SDK1: variants seen among roughly 807,000 people sequenced by gnomAD.
The protein encoded by SDK1 is protein sidekick-1.
In SDK1, 157 loss-of-function variants were observed where a neutral mutation model predicts 245.5. The ratio of observed to expected loss-of-function variants is 0.64; its 90% CI spans 0.56 to 0.73. The LOEUF is 0.73. Among genes scored for constraint, SDK1 ranks in the 30% least tolerant of loss-of-function variants. SDK1 has a pLI of 0.00. For synonymous variants in SDK1, 1,647 were observed against 1,278.5 expected (o/e 1.29, Z -6.15); for missense variants, 3,583 against 3,002.3 (o/e 1.19, Z -4.52).
intron 4 of SDK1, among the ~76,000 whole-genome samples, chr7:3,681,949 C>T (rs1427926014): frequency 6.6e-6 from 1 of 152,102 alleles, no homozygotes; most frequent in Non-Finnish European, 1.5e-5. Context: ...AGCCCAGTAT[C>T]ACAAGAATGG....
At chr7:3,945,317 T>TTTAATAAAG (rs1435300553) in intron 5 of SDK1, among the ~76,000 whole-genome samples, 1 of 152,132 alleles carries the variant, frequency 6.6e-6, no homozygotes, top group African/African-American at 2.4e-5. Context: ...AAGTCGTCAG[T>TTTAATAAAG]TGACATCTCC....
At chr7:3,773,670 A>T (rs1402186459) in intron 4 of SDK1, among the ~76,000 whole-genome samples, 1 of 152,016 alleles carries the variant, frequency 6.6e-6, no homozygotes. Flanking sequence ...TGGAAATCAG[A>T]TTTCCCCCTT....
intron 1 of SDK1, among the ~76,000 whole-genome samples, chr7:3,615,276 A>C (rs956910315): frequency 6.6e-6 from 1 of 151,686 alleles, no homozygotes; most frequent in African/African-American, 2.4e-5. Context: ...AGCTACCTCC[A>C]TTGCAGTTCA....
At chr7:3,448,904 A>T (rs1316232837) in intron 1 of SDK1, among the ~76,000 whole-genome samples, 1 of 152,218 alleles carries the variant, frequency 6.6e-6, no homozygotes, top group Non-Finnish European at 1.5e-5. Context: ...GTTTCTGGCT[A>T]AAATTGCGAG....
In SDK1 at chr7:4,012,549, C is replaced by CTTTTTTTTTT. The variant is rs777199429; in HGVS notation, c.2420+348_2420+357dup. ...GCAAGGTATATTGTTCAATGTGAAG[C>CTTTTTTTTTT]TTTTTTTTTTTTTTTTTTTTTTTTT... is the stretch of plus-strand genomic sequence containing the variant. On this transcript the variant is annotated intron_variant, in intron 16 of 44. Coordinates refer to ENST00000404826, the MANE Select transcript of SDK1 (RefSeq NM_152744.4). Among the ~76,000 whole-genome samples, 41 of 25,986 alleles carry CTTTTTTTTTT rather than the reference C, an allele frequency of 1.6e-3. 11 individuals carry two copies. Among genetic ancestry groups the CTTTTTTTTTT allele is most frequent in the East Asian group, 2.4e-3 (2 of 832 alleles). 17.0% of individuals were successfully genotyped at this position (25,986 alleles called of 152,430 possible).
intron 12 of SDK1, among the ~76,000 whole-genome samples, chr7:3,972,981 T>C (rs777288705): frequency 1.3e-5 from 2 of 152,126 alleles, no homozygotes; most frequent in East Asian, 3.9e-4. Context: ...CTAAATGATT[T>C]GGAGTATGAC....
intron 4 of SDK1, among the ~76,000 whole-genome samples, chr7:3,818,473 A>G (rs1046129473): frequency 6.6e-6 from 1 of 152,222 alleles, no homozygotes; most frequent in African/African-American, 2.4e-5. Context: ...ATGGCCTGTA[A>G]TTGTACCACT....
intron 14 of SDK1, among the ~76,000 whole-genome samples, chr7:4,006,131 G>A (rs1456160784): frequency 6.6e-6 from 1 of 152,196 alleles, no homozygotes; most frequent in Non-Finnish European, 1.5e-5. Flanking sequence ...ACCTTTAATT[G>A]AGAAACTGAT....
At chr7:4,125,983 A>G (rs914183269) in intron 25 of SDK1, among the ~76,000 whole-genome samples, 1 of 152,158 alleles carries the variant, frequency 6.6e-6, no homozygotes, top group Non-Finnish European at 1.5e-5. Flanking sequence ...TATCCTGGAG[A>G]CCACCTGATT....
At chr7:4,141,734 C>G (rs368143064) in intron 28 of SDK1, among the ~76,000 whole-genome samples, 8 of 152,172 alleles carry the variant, frequency 5.3e-5, no homozygotes, top group Admixed American at 5.2e-4. Context: ...AGGGCTTTCT[C>G]TTTCTCTTTT....
In SDK1 at chr7:4,241,686, G is replaced by A; in HGVS notation, c.6131-107G>A. The A allele has an allele frequency of 2.9e-6, 4 of 1,398,820 alleles. No homozygotes were observed. The South Asian group carries it at 3.9e-5, about 14-fold the overall frequency. The allele number at this position is 1,398,820 out of a possible 1,614,324, so 86.7% of individuals were successfully genotyped here. On this transcript the variant is annotated intron_variant, in intron 42 of 44. Coordinates refer to ENST00000404826, the MANE Select transcript of SDK1 (RefSeq NM_152744.4). ...GCAGGTATCCTCAGCTCTGGGCTCT[G>A]CGTGCAGCAGGACTCAGGAGCTGCC... is the stretch of plus-strand genomic sequence containing the variant.
At chr7:3,746,811 C>G (rs1388789358) in intron 4 of SDK1, among the ~76,000 whole-genome samples, 2 of 152,192 alleles carry the variant, frequency 1.3e-5, no homozygotes, top group Non-Finnish European at 2.9e-5. Flanking sequence ...CAAACTCACC[C>G]ATGAGGGGTG....
intron 22 of SDK1, among the ~76,000 whole-genome samples, chr7:4,106,695 T>C (rs1345901526): frequency 6.6e-6 from 1 of 152,144 alleles, no homozygotes; most frequent in African/African-American, 2.4e-5. Flanking sequence ...GGCTGCCTCT[T>C]GCTGTGCTTT....
chr7:3,358,709 A>T (rs1021643644), intron 1 of SDK1, among the ~76,000 whole-genome samples: 1 of 152,196 alleles, frequency 6.6e-6, no homozygotes, highest in Non-Finnish European at 1.5e-5. Flanking sequence ...AATGAATCCA[A>T]TTGGCAGTCA....
chr7:3,769,898 A>G (rs1780358086), intron 4 of SDK1, among the ~76,000 whole-genome samples: 1 of 151,228 alleles, frequency 6.6e-6, no homozygotes, highest in Non-Finnish European at 1.5e-5. Flanking sequence ...CTGAAAGTCA[A>G]ACACTCAGAT....
chr7:3,549,452 A>ATAT (rs142628199), intron 1 of SDK1, among the ~76,000 whole-genome samples: 2,171 of 152,328 alleles, frequency 0.014, 40 homozygotes, highest in African/African-American at 0.042. Context: ...AATATGCTAA[A>ATAT]TATCCATGTG....
rs1780863911 is a variant in SDK1 at position 3,951,907 on chromosome 7, T to C, written c.1137T>C (p.Phe379=). 1.9e-6 allele frequency: 3 copies of C among 1,612,862 alleles called. No individual in the cohort carries two copies. The East Asian group carries it at 6.7e-5, about 36-fold the overall frequency. Reference sequence around the variant, plus strand: ...TTGAACCGGCCAGGGCGACGGCCTTTCTTTTCATCATAGGTAATGCGGGAG... The same window carrying C: ...TTGAACCGGCCAGGGCGACGGCCTTCCTTTTCATCATAGGTAATGCGGGAG... ...SAFEPARATA[F]LFIIEPPYFT... Residue 379 remains phenylalanine, a synonymous_variant, in exon 7 of 45, where the codon TTT becomes TTC. Coordinates refer to ENST00000404826, the MANE Select transcript of SDK1 (RefSeq NM_152744.4).
chr7:3,745,055 G>C (rs532106683), intron 4 of SDK1, among the ~76,000 whole-genome samples: 16 of 152,104 alleles, frequency 1.1e-4, no homozygotes, highest in African/African-American at 3.6e-4. Flanking sequence ...CTTTAGTATT[G>C]TCTCAAATGA....
intron 1 of SDK1, among the ~76,000 whole-genome samples, chr7:3,442,344 T>C (rs1254697367): frequency 6.6e-6 from 1 of 152,182 alleles, no homozygotes; most frequent in East Asian, 1.9e-4. Context: ...AGCTGGATCA[T>C]TCATTACCAC....
Sources: gnomAD v4.1 joint callset for allele counts (sites outside exome capture counted in the v4.1 genomes callset) on GRCh38, gnomAD v4.1.1 for gene constraint, MANE v1.5 for transcripts, NCBI Gene and HGNC (gene_info 2026-07-23, HGNC 2026-07-21) for gene names.